ZCCHC2: variants seen among roughly 807,000 people sequenced by gnomAD.
ZCCHC2 encodes zinc finger CCHC-type containing 2.
A neutral mutation model predicts 103.6 loss-of-function variants in ZCCHC2; 39 were observed. That is an observed-to-expected ratio of 0.38 (90% CI 0.29 to 0.49). ZCCHC2 has a LOEUF of 0.49. Ranked by LOEUF, ZCCHC2 falls within the 20% of genes least tolerant of loss-of-function variation. The pLI is 0.96. For missense variants in ZCCHC2, 1,483 were observed against 1,491.0 expected, an observed-to-expected ratio of 0.99 and a Z score of 0.09; for synonymous variants, 687 against 608.9, an observed-to-expected ratio of 1.13 and a Z score of -1.89.
chr18:62,539,493 T>C, intron 1 of ZCCHC2, 188 bp from the exon 2 acceptor site: 1 of 498,534 alleles, frequency 2.0e-6, no homozygotes, highest in Non-Finnish European at 3.7e-6. Context: ...CAGTCAATAA[T>C]TAATAGAGTG....
At chr18:62,544,737 G>T in intron 3 of ZCCHC2, 65 bp from the exon 4 acceptor site, 2 of 1,384,518 alleles carry the variant, frequency 1.4e-6, no homozygotes, top group Non-Finnish European at 9.7e-7. Flanking sequence ...TTTGCACATG[G>T]CTTTTTTCTA....
At chr18:62,528,704 C>T (rs1160419815) in intron 1 of ZCCHC2, among the ~76,000 whole-genome samples, 1 of 151,958 alleles carries the variant, frequency 6.6e-6, no homozygotes, top group Non-Finnish European at 1.5e-5. Flanking sequence ...AGGAAACATA[C>T]TGGAAGAAAA....
intron 11 of ZCCHC2, among the ~76,000 whole-genome samples, chr18:62,569,133 T>G (rs1871014933): frequency 6.6e-6 from 1 of 152,232 alleles, no homozygotes; most frequent in South Asian, 2.1e-4. Context: ...GACTTTATTT[T>G]TCTTCAATAT....
chr18:62,548,521 A>T (rs1010650528), intron 4 of ZCCHC2, among the ~76,000 whole-genome samples: 4 of 152,230 alleles, frequency 2.6e-5, no homozygotes, highest in Non-Finnish European at 5.9e-5. Context: ...ACAGATATTC[A>T]GTATAAATTG....
At chr18:62,532,122 T>C (rs921001217) in intron 1 of ZCCHC2, among the ~76,000 whole-genome samples, 8 of 152,082 alleles carry the variant, frequency 5.3e-5, no homozygotes, top group South Asian at 2.1e-4. Context: ...GGTGTGTGTG[T>C]GCGCGCGCGC....
chr18:62,568,546 C>T (rs911470065), intron 11 of ZCCHC2, among the ~76,000 whole-genome samples: 1 of 152,192 alleles, frequency 6.6e-6, no homozygotes, highest in Non-Finnish European at 1.5e-5. Context: ...TTAGAATATT[C>T]ACCAGCTTGC....
At chr18:62,529,159 CAAA>C (rs67299838) in intron 1 of ZCCHC2, among the ~76,000 whole-genome samples, 22 of 67,544 alleles carry the variant, frequency 3.3e-4, no homozygotes, top group African/African-American at 4.0e-4. Flanking sequence ...GACAACGTCT[CAAA>C]AAAAAAAAAA....
In ZCCHC2 at chr18:62,523,979, G is replaced by A. The variant is rs1914203916; in HGVS notation, c.555G>A (p.Arg185=). The part of the protein sequence containing the change: ...VYLALLGSEN[R]EAAGRLHRLL... The stretch of plus-strand genomic sequence containing the variant: ...TGGCGCTGCTGGGCTCGGAGAACCG[G>A]GAGGCCGCTGGCCGTCTGCACCGCC... The change falls in exon 1 of 14, where the codon CGG becomes CGA. Residue 185 remains arginine (R), a synonymous_variant. Coordinates refer to ENST00000269499, the MANE Select transcript of ZCCHC2 (RefSeq NM_017742.6). 2.7e-6 allele frequency: 4 copies of A among 1,493,820 alleles called. No homozygotes were observed. The highest frequency in any genetic ancestry group is 4.4e-5 in the Admixed American group (2 of 45,378). 92.5% of individuals were successfully genotyped at this position (1,493,820 alleles called of 1,614,324 possible). A position where few individuals can be genotyped will look rare whatever the true frequency, so the allele number is the denominator to read the frequency against.
chr18:62,537,572 A>G (rs900585338), intron 1 of ZCCHC2, among the ~76,000 whole-genome samples: 3 of 151,948 alleles, frequency 2.0e-5, no homozygotes, highest in African/African-American at 7.3e-5. Flanking sequence ...CACCTAGCAT[A>G]CTCTCTTTGG....
In ZCCHC2 at chr18:62,523,273, C is replaced by A; in HGVS notation, c.-152C>A. 2 of 719,466 alleles carry A rather than the reference C, an allele frequency of 2.8e-6. No homozygotes were observed. The highest frequency in any genetic ancestry group is 3.4e-6 in the Non-Finnish European group (2 of 587,714). 44.6% of individuals were successfully genotyped at this position (719,466 alleles called of 1,614,324 possible). ...CCCGCCGGCCGGCCACCGCCCCCCT[C>A]GCCGGCCGAGACCCGCCCCCGGCCC... On this transcript the variant is annotated 5_prime_UTR_variant, in exon 1 of 14. Coordinates refer to ENST00000269499, the MANE Select transcript of ZCCHC2 (RefSeq NM_017742.6).
Position 62,523,571 on chromosome 18 carries a change from G to GCCA in ZCCHC2, c.149_150insACC (p.Pro50dup). On this transcript the variant is annotated inframe_insertion, in exon 1 of 14. Transcript: ENST00000269499. ...GCCGCCCCCCGCCGCCGCCGCCGCC[G>GCCA]CCCGCGGGCCCGTCGCGGGGCCCTC... 3.1e-6 allele frequency: 3 copies of GCCA among 958,688 alleles called. No individual in the cohort carries two copies. The highest frequency in any genetic ancestry group is 3.7e-6 in the Non-Finnish European group (3 of 811,058). 59.4% of individuals were successfully genotyped at this position (958,688 alleles called of 1,614,324 possible).
At chr18:62,546,720 C>G (rs1416889138) in intron 4 of ZCCHC2, among the ~76,000 whole-genome samples, 1 of 152,206 alleles carries the variant, frequency 6.6e-6, no homozygotes, top group Non-Finnish European at 1.5e-5. Flanking sequence ...ACTGGCTTTC[C>G]CTCTGGAAGC....
Position 62,559,274 on chromosome 18 carries a change from A to G in ZCCHC2, c.1492+504A>G, listed in dbSNP as rs555138823. On this transcript the variant is annotated intron_variant, in intron 7 of 13. Coordinates refer to ENST00000269499, the MANE Select transcript of ZCCHC2 (RefSeq NM_017742.6). ...TTGCAAGATATTTACAGATAAGACTATATCCAGACTATGGAAGGATCTTCC... is the reference window on the plus strand; with the variant it reads ...TTGCAAGATATTTACAGATAAGACTGTATCCAGACTATGGAAGGATCTTCC... Among the ~76,000 whole-genome samples the G allele has an allele frequency of 7.2e-5, 11 of 152,344 alleles. No individual in the cohort carries two copies. The East Asian group carries it at 2.1e-3, about 29-fold the overall frequency.
Position 62,558,671 on chromosome 18 carries a change from T to G in ZCCHC2, c.1409-16T>G. The G allele has an allele frequency of 6.9e-7, 1 of 1,440,746 alleles. No homozygotes were observed. The highest frequency in any genetic ancestry group is 9.3e-7 in the Non-Finnish European group (1 of 1,077,234). 89.2% of individuals were successfully genotyped at this position (1,440,746 alleles called of 1,614,324 possible). On this transcript the variant is annotated splice_polypyrimidine_tract_variant and intron_variant, in intron 6 of 13. Transcript: ENST00000269499. ...AATTTTCCTAAAAAGTTAATAGTAT[T>G]GAATGCTTCCTGCAGATAACTTACA... is the stretch of plus-strand genomic sequence containing the variant.
At chr18:62,549,383 T>C (rs1915567463) in intron 4 of ZCCHC2, among the ~76,000 whole-genome samples, 1 of 152,230 alleles carries the variant, frequency 6.6e-6, no homozygotes, top group Non-Finnish European at 1.5e-5. Context: ...TGAGGAATGC[T>C]TTATGCTACC....
chr18:62,523,924 C>A lies in ZCCHC2; in HGVS notation c.500C>A (p.Pro167His). ...GGGCCGCTGGCCGACTTCCGAGAGCCCGCGGTGCGCTCGCGCCTCATCGTC... is the reference window on the plus strand; with the variant it reads ...GGGCCGCTGGCCGACTTCCGAGAGCACGCGGTGCGCTCGCGCCTCATCGTC... The part of the protein sequence containing the change: ...DPGPLADFRE[P>H]AVRSRLIVYL... The change falls in exon 1 of 14, where the codon CCC (proline) becomes CAC (histidine). Residue 167 changes from proline to histidine, a missense_variant. By Grantham distance (77) the Pro-to-His change is moderately conservative (BLOSUM62 -2). This residue lies in a region of ZCCHC2 where 568 missense variants were observed against 525.1 expected (regional missense o/e 1.08). Transcript: ENST00000269499. 1 of 1,531,586 alleles carries A rather than the reference C, an allele frequency of 6.5e-7. No homozygotes were observed. The highest frequency in any genetic ancestry group is 8.8e-7 in the Non-Finnish European group (1 of 1,142,692). The allele number at this position is 1,531,586 out of a possible 1,614,324, so 94.9% of individuals were successfully genotyped here.
chr18:62,525,718 G>A (rs1209855890), intron 1 of ZCCHC2, among the ~76,000 whole-genome samples: 3 of 151,954 alleles, frequency 2.0e-5, no homozygotes, highest in South Asian at 2.1e-4. Flanking sequence ...AAACTCAGAT[G>A]TAACGCTCTA....
In ZCCHC2 at chr18:62,556,184, CTT is replaced by C. The variant is rs749789683; in HGVS notation, c.1314-16_1314-15del. 6.4e-7 allele frequency: 1 copy of C among 1,566,940 alleles called. No individual in the cohort carries two copies. Among genetic ancestry groups the C allele is most frequent in the Non-Finnish European group, 8.7e-7 (1 of 1,153,358 alleles). On this transcript the variant is annotated splice_polypyrimidine_tract_variant and intron_variant, in intron 5 of 13. Transcript: ENST00000269499. ...AACATTACCTGAAATTAACAAATCT[CTT>C]TTCTTTTTATGTGCAGGCAGCTATT...
At chr18:62,530,020 A>G (rs1316413209) in intron 1 of ZCCHC2, among the ~76,000 whole-genome samples, 3 of 152,246 alleles carry the variant, frequency 2.0e-5, no homozygotes, top group East Asian at 1.9e-4. Flanking sequence ...GAGAGTGTAC[A>G]TAGGTTATAC....
Sources: gnomAD v4.1 joint callset for allele counts (sites outside exome capture counted in the v4.1 genomes callset) on GRCh38, gnomAD v4.1.1 for gene constraint, gnomAD v4.1.1 regional missense constraint, MANE v1.5 for transcripts, NCBI Gene and HGNC (gene_info 2026-07-23, HGNC 2026-07-21) for gene names.